Variants in PALM2AKAP2 observed in about 807,000 individuals in gnomAD.
PALM2AKAP2 encodes PALM2 and AKAP2 fusion.
Under a neutral mutation model 71.5 loss-of-function variants are expected in PALM2AKAP2, and 37 were observed. That is an observed-to-expected ratio of 0.52 (90% CI 0.40 to 0.68). PALM2AKAP2 has a LOEUF of 0.68. Among genes scored for constraint, PALM2AKAP2 ranks in the 30% least tolerant of loss-of-function variants. The pLI is 0.00. For synonymous variants in PALM2AKAP2, 468 were observed against 478.8 expected (o/e 0.98, Z 0.29); for missense variants, 1,224 against 1,191.8 (o/e 1.03, Z -0.40).
chr9:109,722,896 T>A lies in PALM2AKAP2; in HGVS notation c.6-57592T>A, dbSNP rs1191214054. ...ATTTCTAGAATATCACATTTTCCCT[T>A]GCACAAGCCGTCTGCTCTGCCCACC... On this transcript the variant is annotated intron_variant, in intron 1 of 6. Coordinates refer to the PALM2AKAP2 transcript ENST00000374531. Among the ~76,000 whole-genome samples, 3 of 152,194 alleles carry A rather than the reference T, an allele frequency of 2.0e-5. No homozygotes were observed. The East Asian group carries it at 5.8e-4, about 29-fold the overall frequency.
chr9:109,640,996 C>G, intron 1 of PALM2AKAP2: 2 of 1,310,518 alleles, frequency 1.5e-6, no homozygotes, highest in Non-Finnish European at 2.0e-6. Context: ...CGTGTGTACG[C>G]CTGGTGTTTC....
At chr9:110,054,059 T>A (rs1043467487) in intron 1 of PALM2AKAP2, among the ~76,000 whole-genome samples, 2 of 152,218 alleles carry the variant, frequency 1.3e-5, no homozygotes, top group African/African-American at 4.8e-5. Flanking sequence ...CTCTGTGAGA[T>A]CTTGGTCTGT....
At chr9:109,644,607 A>T (rs867377571) in intron 1 of PALM2AKAP2, among the ~76,000 whole-genome samples, 2 of 152,132 alleles carry the variant, frequency 1.3e-5, no homozygotes, top group Non-Finnish European at 2.9e-5. Context: ...TCACATTGTC[A>T]GGCTGCAAAT....
At chr9:110,134,280 T>TAA (rs554794611) in intron 1 of PALM2AKAP2, among the ~76,000 whole-genome samples, 5 of 144,458 alleles carry the variant, frequency 3.5e-5, no homozygotes, top group African/African-American at 7.6e-5. Flanking sequence ...GCCTGTCTCT[T>TAA]AAAAAAAAAA....
chr9:109,741,390 G>A (rs1828713815), intron 1 of PALM2AKAP2, among the ~76,000 whole-genome samples: 1 of 152,070 alleles, frequency 6.6e-6, no homozygotes, highest in Non-Finnish European at 1.5e-5. Flanking sequence ...TCTTGGTTTT[G>A]GCTATTTTCA....
intron 2 of PALM2AKAP2, among the ~76,000 whole-genome samples, chr9:110,144,438 A>T (rs568949088): frequency 1.3e-5 from 2 of 152,228 alleles, no homozygotes; most frequent in African/African-American, 4.8e-5. Context: ...AGCTGCATAT[A>T]ATACTAGTTA....
At chr9:109,876,378 T>C (rs1427152514) in intron 2 of PALM2AKAP2, among the ~76,000 whole-genome samples, 1 of 152,218 alleles carries the variant, frequency 6.6e-6, no homozygotes, top group Non-Finnish European at 1.5e-5. Context: ...TGGAGCCAAG[T>C]AGAAAATCAA....
chr9:109,864,426 G>A (rs1587969793), intron 1 of PALM2AKAP2, among the ~76,000 whole-genome samples: 1 of 152,266 alleles, frequency 6.6e-6, no homozygotes, highest in East Asian at 1.9e-4. Flanking sequence ...CATCAATTCT[G>A]TTTCTTCCAT....
chr9:110,082,903 A>T (rs1588097000), intron 1 of PALM2AKAP2, among the ~76,000 whole-genome samples: 1 of 152,260 alleles, frequency 6.6e-6, no homozygotes, highest in South Asian at 2.1e-4. Flanking sequence ...GCACGTTGGG[A>T]GGCTGAGGTG....
intron 1 of PALM2AKAP2, among the ~76,000 whole-genome samples, chr9:109,774,562 A>G (rs1271943209): frequency 2.0e-5 from 3 of 152,212 alleles, no homozygotes; most frequent in African/African-American, 7.2e-5. Context: ...AGGTGTTTCT[A>G]GATAATAAAT....
At chr9:109,652,635 T>C (rs1827242270) in intron 1 of PALM2AKAP2, among the ~76,000 whole-genome samples, 1 of 152,230 alleles carries the variant, frequency 6.6e-6, no homozygotes, top group Non-Finnish European at 1.5e-5. Context: ...GCCCTACTTT[T>C]AATACTTCAA....
Position 110,059,854 on chromosome 9 carries a change from G to A in PALM2AKAP2, c.156+10999G>A, listed in dbSNP as rs972585404. Among the ~76,000 whole-genome samples, 5 of 152,198 alleles carry A rather than the reference G, an allele frequency of 3.3e-5. No individual in the cohort carries two copies. In the East Asian group the frequency reaches 9.6e-4, roughly 29 times the overall value. On this transcript the variant is annotated intron_variant, in intron 1 of 3. Transcript: ENST00000374525. ...GGAGATCATGAGAGCAGTGTCTATGGAGGATTATCAGTTATGCTCAGAAAG... is the reference window on the plus strand; with the variant it reads ...GGAGATCATGAGAGCAGTGTCTATGAAGGATTATCAGTTATGCTCAGAAAG...
intron 4 of PALM2AKAP2, among the ~76,000 whole-genome samples, chr9:109,924,441 T>G (rs910346507): frequency 1.3e-5 from 2 of 151,548 alleles, no homozygotes; most frequent in African/African-American, 2.4e-5. Context: ...TACTAAAAAA[T>G]ACAAAAAAAT....
intron 3 of PALM2AKAP2, among the ~76,000 whole-genome samples, chr9:109,894,551 A>G (rs903803493): frequency 1.3e-5 from 2 of 152,194 alleles, no homozygotes; most frequent in African/African-American, 2.4e-5. Flanking sequence ...TTTAATAGCA[A>G]TATGATATCC....
At chr9:109,987,283 A>G (rs1354205304) in intron 6 of PALM2AKAP2, among the ~76,000 whole-genome samples, 1 of 152,022 alleles carries the variant, frequency 6.6e-6, no homozygotes, top group Non-Finnish European at 1.5e-5. Context: ...GGTGTGCGCC[A>G]CCACACCTGG....
intron 1 of PALM2AKAP2, among the ~76,000 whole-genome samples, chr9:110,100,051 C>CTATATATATATATATATATATATATA (rs71373968): frequency 9.1e-6 from 1 of 109,480 alleles, no homozygotes. Context: ...GTATGTGTGT[C>CTATATATATATATATATATATATATA]TATATATATA....
chr9:109,734,479 G>A (rs1235616805), intron 1 of PALM2AKAP2, among the ~76,000 whole-genome samples: 1 of 152,138 alleles, frequency 6.6e-6, no homozygotes, highest in East Asian at 1.9e-4. Context: ...CATTTCAGGT[G>A]CTCAAAACAG....
At chr9:109,645,912 A>C (rs150946268) in intron 1 of PALM2AKAP2, among the ~76,000 whole-genome samples, 119 of 152,266 alleles carry the variant, frequency 7.8e-4, no homozygotes, top group African/African-American at 2.8e-3. Context: ...AAATAAAATA[A>C]AATTTACAAA....
chr9:110,155,310 T>C, intron 2 of PALM2AKAP2, among the ~76,000 whole-genome samples: 1 of 152,228 alleles, frequency 6.6e-6, no homozygotes, highest in African/African-American at 2.4e-5. Context: ...CCACATTCCT[T>C]GTTCACAGGT....
Sources: allele counts gnomAD v4.1 joint callset (sites outside exome capture counted in the v4.1 genomes callset), GRCh38; gene constraint gnomAD v4.1.1; transcripts MANE v1.5; gene names NCBI Gene and HGNC (gene_info 2026-07-23, HGNC 2026-07-21).